The following STXBP5 variants were observed in gnomAD, a reference collection of about 807,000 sequenced individuals.
STXBP5 encodes the protein syntaxin binding protein 5, also known as syntaxin-binding protein 5.
A neutral mutation model predicts 152.4 loss-of-function variants in STXBP5; 50 were observed. That is an observed-to-expected ratio of 0.33 (90% confidence interval 0.26 to 0.42). The LOEUF is 0.42. Ranked by LOEUF, STXBP5 falls within the 10% of genes least tolerant of loss-of-function variation. The pLI, the probability that STXBP5 is intolerant of heterozygous loss-of-function variation, is 1.00. For missense variants in STXBP5, 1,167 were observed against 1,388.6 expected (o/e 0.84, Z 2.54); for synonymous variants, 492 against 494.7 (o/e 0.99, Z 0.07).
intron 18 of STXBP5, among the ~76,000 whole-genome samples, chr6:147,331,662 A>T (rs1199325067): frequency 2.0e-5 from 3 of 152,174 alleles, no homozygotes; most frequent in Non-Finnish European, 2.9e-5. Context: ...AATGTGGCAG[A>T]ACTGCTGAAT....
intron 23 of STXBP5, 125 bp from the exon 24 acceptor site, chr6:147,363,210 C>A: frequency 1.0e-6 from 1 of 993,598 alleles, no homozygotes; most frequent in Non-Finnish European, 1.4e-6. Context: ...TGTCAATGAG[C>A]CAGTGTTCAG....
At chr6:147,320,237 A>G (rs1189172252) in intron 16 of STXBP5, among the ~76,000 whole-genome samples, 1 of 152,194 alleles carries the variant, frequency 6.6e-6, no homozygotes, top group Non-Finnish European at 1.5e-5. Flanking sequence ...AACTAGCACA[A>G]GAGCCAGGTA....
At chr6:147,291,200 C>T (rs1294546174) in intron 9 of STXBP5, 28 bp downstream of exon 9, 4 of 1,580,086 alleles carry the variant, frequency 2.5e-6, no homozygotes, top group East Asian at 4.5e-5. Flanking sequence ...TGCCAATGTT[C>T]ATTGTATATA....
intron 25 of STXBP5, among the ~76,000 whole-genome samples, chr6:147,371,209 A>G (rs1166728981): frequency 1.3e-5 from 2 of 152,086 alleles, no homozygotes; most frequent in Non-Finnish European, 2.9e-5. Context: ...ATTAACATGA[A>G]TCATTCTAAA....
chr6:147,299,238 A>G (rs1282119000), intron 9 of STXBP5, among the ~76,000 whole-genome samples: 3 of 135,812 alleles, frequency 2.2e-5, no homozygotes, highest in African/African-American at 8.2e-5. Flanking sequence ...ATGCCAACAA[A>G]TTGAGTAATC....
chr6:147,298,108 C>T (rs80304170), intron 9 of STXBP5, among the ~76,000 whole-genome samples: 2,528 of 152,044 alleles, frequency 0.017, 59 homozygotes, highest in African/African-American at 0.057. Flanking sequence ...TATAGGCTCA[C>T]GTCACTTGTA....
chr6:147,262,065 G>A (rs1477764211), intron 5 of STXBP5, among the ~76,000 whole-genome samples: 1 of 151,844 alleles, frequency 6.6e-6, no homozygotes, highest in Admixed American at 6.6e-5. Flanking sequence ...TGCAGAAAGT[G>A]TACTTAATTG....
chr6:147,351,318 T>C (rs1784578708), intron 21 of STXBP5, among the ~76,000 whole-genome samples: 1 of 152,222 alleles, frequency 6.6e-6, no homozygotes, highest in Non-Finnish European at 1.5e-5. Context: ...ATCAGAGTAG[T>C]GATGTCTAGA....
At chr6:147,220,502 A>G (rs1777406294) in intron 2 of STXBP5, among the ~76,000 whole-genome samples, 1 of 152,134 alleles carries the variant, frequency 6.6e-6, no homozygotes. Context: ...TAGCGGATTC[A>G]TATATTTCTC....
At chr6:147,324,253 GTTTTTTTTTGGTTT>G (rs1783091778) in intron 16 of STXBP5, among the ~76,000 whole-genome samples, 1 of 94,180 alleles carries the variant, frequency 1.1e-5, no homozygotes, top group Non-Finnish European at 2.3e-5. Context: ...GTTTTGTGGG[GTTTTTTTTTGGTTT>G]TTTTTTTTTT....
intron 4 of STXBP5, 95 bp downstream of exon 4, chr6:147,239,365 G>A: frequency 3.9e-6 from 4 of 1,027,420 alleles, no homozygotes; most frequent in Non-Finnish European, 4.3e-6. Context: ...TGGACCTTAT[G>A]CACAATCTAA....
intron 1 of STXBP5, among the ~76,000 whole-genome samples, chr6:147,205,371 C>CATATATATATATATATATATAT (rs66619063): frequency 1.2e-4 from 17 of 141,910 alleles, no homozygotes; most frequent in Non-Finnish European, 2.2e-4. Context: ...TAAAAGTGTG[C>CATATATATATATATATATATAT]ATATATATAT....
intron 23 of STXBP5, among the ~76,000 whole-genome samples, chr6:147,362,285 T>A (rs969293098): frequency 6.6e-5 from 10 of 152,108 alleles, no homozygotes; most frequent in Non-Finnish European, 1.0e-4. Context: ...GAAAATAATA[T>A]GTGGAAAAAA....
At chr6:147,207,467 T>TA (rs1776626567) in intron 2 of STXBP5, among the ~76,000 whole-genome samples, 1 of 152,178 alleles carries the variant, frequency 6.6e-6, no homozygotes, top group African/African-American at 2.4e-5. Context: ...AATATCTAGA[T>TA]AGTTATGACC....
chr6:147,280,245 C>T (rs529359583), intron 8 of STXBP5, among the ~76,000 whole-genome samples: 52 of 151,296 alleles, frequency 3.4e-4, no homozygotes, highest in Non-Finnish European at 3.7e-4. Flanking sequence ...TTTTATAGAA[C>T]GTGCCTCAGT....
At chr6:147,376,994 C>G (rs1785841820) in intron 26 of STXBP5, among the ~76,000 whole-genome samples, 1 of 151,988 alleles carries the variant, frequency 6.6e-6, no homozygotes, top group Non-Finnish European at 1.5e-5. Context: ...TTTGAATGTA[C>G]CTACTATTTT....
intron 3 of STXBP5, among the ~76,000 whole-genome samples, chr6:147,237,557 C>T (rs1224172378): frequency 6.6e-6 from 1 of 152,196 alleles, no homozygotes; most frequent in African/African-American, 2.4e-5. Flanking sequence ...AAATCTTTGA[C>T]ACCCTAAATC....
chr6:147,373,363 C>CAAAAAAAAAAAAAAAAAAAAAAAA (rs11341887), intron 25 of STXBP5, among the ~76,000 whole-genome samples: 1 of 67,718 alleles, frequency 1.5e-5, no homozygotes, highest in African/African-American at 5.6e-5. Flanking sequence ...GAGACTGTCT[C>CAAAAAAAAAAAAAAAAAAAAAAAA]AAAAAAAAAA....
chr6:147,268,877 C>G (rs903397879), intron 7 of STXBP5, among the ~76,000 whole-genome samples: 1 of 152,004 alleles, frequency 6.6e-6, no homozygotes, highest in Non-Finnish European at 1.5e-5. Flanking sequence ...AAGGTAAACC[C>G]CTCAATTGCT....
Sources: allele counts gnomAD v4.1 joint callset (sites outside exome capture counted in the v4.1 genomes callset), GRCh38; gene constraint gnomAD v4.1.1; transcripts MANE v1.5; gene names NCBI Gene and HGNC (gene_info 2026-07-23, HGNC 2026-07-21).